The following CSMD1 variants were observed in gnomAD, a reference collection of about 807,000 sequenced individuals.
CSMD1 encodes CUB and sushi domain-containing protein 1.
CSMD1 carries 213 observed loss-of-function variants against 417.5 expected under a neutral mutation model. The ratio of observed to expected loss-of-function variants is 0.51; its 90% confidence interval spans 0.46 to 0.57. The LOEUF is 0.57. Among genes scored for constraint, CSMD1 ranks in the 20% least tolerant of loss-of-function variants. The pLI is 0.00. For missense variants in CSMD1, 6,923 were observed against 4,529.7 expected, an observed-to-expected ratio of 1.53 and a Z score of -15.17; for synonymous variants, 2,862 against 1,736.8, an observed-to-expected ratio of 1.65 and a Z score of -16.11.
At chr8:4,231,406 A>T (rs1364789085) in intron 3 of CSMD1, among the ~76,000 whole-genome samples, 1 of 152,188 alleles carries the variant, frequency 6.6e-6, no homozygotes, top group Non-Finnish European at 1.5e-5. Context: ...TGTCTCACAA[A>T]GTTGTTACAA....
At chr8:4,913,113 C>T (rs531658801) in intron 1 of CSMD1, among the ~76,000 whole-genome samples, 1 of 152,036 alleles carries the variant, frequency 6.6e-6, no homozygotes, top group African/African-American at 2.4e-5. Context: ...TAAAAAAAAT[C>T]GTGAGGGATC....
intron 3 of CSMD1, among the ~76,000 whole-genome samples, chr8:4,201,195 G>A (rs535173382): frequency 3.5e-4 from 53 of 152,244 alleles, no homozygotes; most frequent in African/African-American, 1.1e-3. Flanking sequence ...TGCAGAGGAG[G>A]TGATCCAATA....
At chr8:4,257,299 T>G (rs949815278) in intron 3 of CSMD1, among the ~76,000 whole-genome samples, 6 of 152,168 alleles carry the variant, frequency 3.9e-5, no homozygotes, top group African/African-American at 1.4e-4. Flanking sequence ...GCTTATTATT[T>G]TACAATACAG....
chr8:4,927,674 A>T (rs979141516), intron 1 of CSMD1, among the ~76,000 whole-genome samples: 1 of 152,188 alleles, frequency 6.6e-6, no homozygotes, highest in African/African-American at 2.4e-5. Flanking sequence ...AGTGGTGATG[A>T]CACTGTGAAC....
At chr8:2,999,843 G>C (rs556170530) in intron 53 of CSMD1, 115 bp downstream of exon 53, 82 of 907,734 alleles carry the variant, frequency 9.0e-5, no homozygotes, top group Non-Finnish European at 1.2e-4. Context: ...AAAACTGAAA[G>C]TTTGCTGTTC....
chr8:4,008,600 C>CTTTTTTTTTTTTTTTTTTTTT (rs1161117794), intron 4 of CSMD1, among the ~76,000 whole-genome samples: 25 of 80,454 alleles, frequency 3.1e-4, no homozygotes, highest in East Asian at 1.2e-3. Context: ...TTCTTTTTTT[C>CTTTTTTTTTTTTTTTTTTTTT]TTTTTTTTTT....
chr8:4,209,885 TTC>T (rs1323728948), intron 3 of CSMD1, among the ~76,000 whole-genome samples: 7 of 152,200 alleles, frequency 4.6e-5, no homozygotes, highest in Non-Finnish European at 1.0e-4. Context: ...AGGTGGTAAC[TTC>T]TGTGTTGACA....
intron 3 of CSMD1, among the ~76,000 whole-genome samples, chr8:4,123,617 T>C (rs1265823648): frequency 6.6e-6 from 1 of 152,208 alleles, no homozygotes; most frequent in Non-Finnish European, 1.5e-5. Context: ...AAAAAAGTCA[T>C]TTTTCCTTTG....
chr8:4,808,924 G>T (rs189473543), intron 1 of CSMD1, among the ~76,000 whole-genome samples: 2 of 152,120 alleles, frequency 1.3e-5, no homozygotes, highest in Non-Finnish European at 2.9e-5. Flanking sequence ...GATTATTTGG[G>T]GTCAGAGATA....
At chr8:4,000,809 A>G (rs1815609524) in intron 4 of CSMD1, among the ~76,000 whole-genome samples, 1 of 152,046 alleles carries the variant, frequency 6.6e-6, no homozygotes, top group African/African-American at 2.4e-5. Flanking sequence ...AAGTTATGGC[A>G]TCTCAATGTA....
At chr8:4,541,581 G>A (rs1483098309) in intron 2 of CSMD1, among the ~76,000 whole-genome samples, 1 of 151,628 alleles carries the variant, frequency 6.6e-6, no homozygotes, top group Non-Finnish European at 1.5e-5. Context: ...AACCCTGTCT[G>A]TACTAAAAAT....
chr8:3,967,575 G>C (rs889568249), intron 5 of CSMD1, among the ~76,000 whole-genome samples: 4 of 152,122 alleles, frequency 2.6e-5, no homozygotes, highest in African/African-American at 9.7e-5. Context: ...TCACCAGCTT[G>C]ACCTCTGTGT....
Position 3,439,309 on chromosome 8 carries a change from A to ATATATATATATATATTTTT in CSMD1, c.1561+29402_1561+29403insAAAAATATATATATATATA. ...TATATATATATATATATATATATATATTTTTTTTTTTAATATGTATTTTTA... is the reference window on the plus strand; with the variant it reads ...TATATATATATATATATATATATATATATATATATATATATTTTTTTTTTTTTTTTAATATGTATTTTTA... On this transcript the variant is annotated intron_variant, in intron 12 of 69. Coordinates refer to ENST00000635120, the MANE Select transcript of CSMD1 (RefSeq NM_033225.6). 5.5e-3 allele frequency among the ~76,000 whole-genome samples: 345 copies of ATATATATATATATATTTTT among 62,194 alleles called. 5 individuals carry two copies. Among genetic ancestry groups the ATATATATATATATATTTTT allele is most frequent in the Non-Finnish European group, 7.8e-3 (271 of 34,620 alleles). 40.8% of individuals were successfully genotyped at this position (62,194 alleles called of 152,430 possible). A position where few individuals can be genotyped will look rare whatever the true frequency, so the allele number is the denominator to read the frequency against.
chr8:4,157,693 C>T lies in CSMD1; in HGVS notation c.416-125594G>A, dbSNP rs1278563547. On this transcript the variant is annotated intron_variant, in intron 3 of 69. Coordinates refer to ENST00000635120, the MANE Select transcript of CSMD1 (RefSeq NM_033225.6). ...AGGGCATCCCCTCACGCCCAACCGG[C>T]CTTGGGTGGGTCTGCACAGTTGTCC... Among the ~76,000 whole-genome samples the T allele has an allele frequency of 5.3e-5, 8 of 152,334 alleles. No homozygotes were observed. The South Asian group carries it at 6.2e-4, about 12-fold the overall frequency.
intron 1 of CSMD1, among the ~76,000 whole-genome samples, chr8:4,663,220 C>T (rs558469780): frequency 6.6e-6 from 1 of 152,144 alleles, no homozygotes; most frequent in Non-Finnish European, 1.5e-5. Context: ...ACACATTATC[C>T]CAGCCCGATT....
intron 1 of CSMD1, among the ~76,000 whole-genome samples, chr8:4,661,790 T>C (rs953138517): frequency 6.6e-6 from 1 of 152,114 alleles, no homozygotes; most frequent in South Asian, 2.1e-4. Context: ...TAATCCTATA[T>C]CCAAAAAACG....
chr8:3,360,656 T>C (rs1486341395), intron 20 of CSMD1, among the ~76,000 whole-genome samples: 1 of 152,220 alleles, frequency 6.6e-6, no homozygotes, highest in South Asian at 2.1e-4. Flanking sequence ...ATTGGGACAA[T>C]GAAGATCACT....
chr8:3,507,922 A>T (rs138309875), intron 10 of CSMD1, among the ~76,000 whole-genome samples: 6,074 of 151,978 alleles, frequency 0.04, 404 homozygotes, highest in African/African-American at 0.14. Context: ...TTGTCAGATG[A>T]GTAGGTTGCA....
In CSMD1 at chr8:2,937,887, T is replaced by C. The variant is rs1251104530; in HGVS notation, c.*698A>G. 7.4e-6 allele frequency: 1 copy of C among 135,580 alleles called. No individual in the cohort carries two copies. Among genetic ancestry groups the C allele is most frequent in the Non-Finnish European group, 1.6e-5 (1 of 60,860 alleles). 8.4% of individuals were successfully genotyped at this position (135,580 alleles called of 1,614,324 possible). ...GTGTGTATAAACCCTGTGTAAATAA[T>C]TTATTTTTTTTATCAGAATCTTAGT... On this transcript the variant is annotated 3_prime_UTR_variant, in exon 70 of 70. Transcript: ENST00000635120.
Sources: allele counts gnomAD v4.1 joint callset (sites outside exome capture counted in the v4.1 genomes callset), GRCh38; gene constraint gnomAD v4.1.1; transcripts MANE v1.5; gene names NCBI Gene and HGNC (gene_info 2026-07-23, HGNC 2026-07-21).